Variants in SKI observed in about 807,000 individuals in gnomAD.
The protein encoded by SKI is ski oncogene.
SKI carries 23 observed loss-of-function variants against 59.3 expected under a neutral mutation model. That is an observed-to-expected ratio of 0.39 (90% CI 0.28 to 0.55). The LOEUF is 0.55. Among genes scored for constraint, SKI ranks in the 20% least tolerant of loss-of-function variants. SKI has a pLI of 0.67. For synonymous variants in SKI, 673 were observed against 488.6 expected, an observed-to-expected ratio of 1.38 and a Z score of -4.98; for missense variants, 1,017 against 1,038.9, an observed-to-expected ratio of 0.98 and a Z score of 0.29.
At chr1:2,291,140 C>G (rs1241904091) in intron 1 of SKI, among the ~76,000 whole-genome samples, 1 of 152,092 alleles carries the variant, frequency 6.6e-6, no homozygotes, top group Admixed American at 6.5e-5. Context: ...GCTGGGGATG[C>G]TCATGCCAGC....
At chr1:2,237,713 C>T (rs551651640) in intron 1 of SKI, among the ~76,000 whole-genome samples, 5 of 152,356 alleles carry the variant, frequency 3.3e-5, no homozygotes, top group South Asian at 2.1e-4. Context: ...CAGAAATGCT[C>T]TTGGTTTCTT....
intron 1 of SKI, chr1:2,232,373 C>T (rs940813946): frequency 1.3e-5 from 2 of 152,208 alleles, no homozygotes; most frequent in Non-Finnish European, 2.9e-5. Flanking sequence ...GGGTCAGCGC[C>T]ACTCTCCTAC....
chr1:2,259,893 C>T (rs190121334), intron 1 of SKI, among the ~76,000 whole-genome samples: 9 of 152,316 alleles, frequency 5.9e-5, no homozygotes, highest in South Asian at 4.1e-4. Context: ...GCGTGGATGT[C>T]GCGTTTGTTC....
In SKI at chr1:2,228,934, C is replaced by G; in HGVS notation, c.168C>G (p.Gly56=). 7.2e-7 allele frequency: 1 copy of G among 1,381,898 alleles called. No individual in the cohort carries two copies. The highest frequency in any genetic ancestry group is 9.4e-7 in the Non-Finnish European group (1 of 1,063,868). The allele number at this position is 1,381,898 out of a possible 1,614,324, so 85.6% of individuals were successfully genotyped here. The change falls in exon 1 of 7, where the codon GGC becomes GGG. Residue 56 remains glycine, a synonymous_variant. Coordinates refer to ENST00000378536, the MANE Select transcript of SKI (RefSeq NM_003036.4). ...AYKKESAKEA[G]AAAVPAPVPA... ...AGAAGGAGAGCGCCAAGGAGGCGGG[C>G]GCGGCCGCGGTGCCGGCGCCGGTGC...
chr1:2,309,593 G>C lies in SKI; in HGVS notation c.*2828G>C, dbSNP rs933422445. 2 of 152,088 alleles carry C rather than the reference G, an allele frequency of 1.3e-5. No homozygotes were observed. The highest frequency in any genetic ancestry group is 2.1e-4 in the South Asian group (1 of 4,826). The allele number at this position is 152,088 out of a possible 1,614,324, so 9.4% of individuals were successfully genotyped here. A position where few individuals can be genotyped will look rare whatever the true frequency, so the allele number is the denominator to read the frequency against. On this transcript the variant is annotated 3_prime_UTR_variant, in exon 7 of 7. Coordinates refer to ENST00000378536, the MANE Select transcript of SKI (RefSeq NM_003036.4). Reference sequence around the variant, plus strand: ...GAAAAAAAAAATGCTTTCCTGCCGGGGGGCAGGGGAGACGGAGAAACCCAT... The same window carrying C: ...GAAAAAAAAAATGCTTTCCTGCCGGCGGGCAGGGGAGACGGAGAAACCCAT...
rs754988590 is a variant in SKI at position 2,303,827 on chromosome 1, C to G, written c.1212-13C>G. 4.3e-5 allele frequency: 69 copies of G among 1,612,028 alleles called. No individual in the cohort carries two copies. Among genetic ancestry groups the G allele is most frequent in the Non-Finnish European group, 5.8e-5 (69 of 1,179,696 alleles). On this transcript the variant is annotated splice_polypyrimidine_tract_variant and intron_variant, in intron 3 of 6. Transcript: ENST00000378536. The surrounding 1 kb of genome is among the most constrained non-coding windows in gnomAD (Gnocchi z 5.6). ...GACAGAGGCACCTTCCCGACACCCGCCTGCCCCTCCAGCTTCTACTCCTAC... is the reference window on the plus strand; with the variant it reads ...GACAGAGGCACCTTCCCGACACCCGGCTGCCCCTCCAGCTTCTACTCCTAC...
intron 1 of SKI, among the ~76,000 whole-genome samples, chr1:2,302,503 G>A (rs1178083045): frequency 6.6e-6 from 1 of 152,164 alleles, no homozygotes; most frequent in Non-Finnish European, 1.5e-5. Flanking sequence ...AGACGCATCC[G>A]TCGTGAGTGG....
chr1:2,241,645 G>A (rs1264008480), intron 1 of SKI, among the ~76,000 whole-genome samples: 3 of 152,040 alleles, frequency 2.0e-5, no homozygotes, highest in Non-Finnish European at 2.9e-5. Context: ...CGCCCGCCTC[G>A]GCCTCCCAAA....
At chr1:2,248,917 G>T (rs1014207215) in intron 1 of SKI, among the ~76,000 whole-genome samples, 1 of 152,206 alleles carries the variant, frequency 6.6e-6, no homozygotes, top group Non-Finnish European at 1.5e-5. Flanking sequence ...CCCCTCTCCT[G>T]TTTGGAAGAG....
chr1:2,242,528 C>G (rs764950674), intron 1 of SKI, among the ~76,000 whole-genome samples: 8 of 152,014 alleles, frequency 5.3e-5, no homozygotes, highest in Non-Finnish European at 1.0e-4. Flanking sequence ...TTTTCTTTTT[C>G]TTATTTTTGG....
intron 1 of SKI, among the ~76,000 whole-genome samples, chr1:2,299,364 G>A (rs1406504368): frequency 6.6e-6 from 1 of 152,174 alleles, no homozygotes; most frequent in Non-Finnish European, 1.5e-5. Context: ...CCCAGCTGAC[G>A]ACCCGGGCTC....
chr1:2,248,736 C>G (rs182741071), intron 1 of SKI, among the ~76,000 whole-genome samples: 1 of 152,228 alleles, frequency 6.6e-6, no homozygotes, highest in Non-Finnish European at 1.5e-5. Context: ...TTCCTTCTCA[C>G]GTCTTCTCTG....
chr1:2,255,025 C>T (rs942257076), intron 1 of SKI, among the ~76,000 whole-genome samples: 1 of 152,286 alleles, frequency 6.6e-6, no homozygotes, highest in South Asian at 2.1e-4. Context: ...CCACACCCCA[C>T]GTGCTTGTTA....
At chr1:2,257,148 C>A (rs1056137915) in intron 1 of SKI, among the ~76,000 whole-genome samples, 4 of 152,242 alleles carry the variant, frequency 2.6e-5, no homozygotes, top group African/African-American at 9.6e-5. Flanking sequence ...AAAGCTCCCA[C>A]CTTTTGTGAC....
At position 2,303,014 on chromosome 1, in the gene SKI, A is replaced by G. The variant is rs1347876005; in HGVS notation, c.1006A>G (p.Thr336Ala). The change falls in exon 2 of 7, where the codon ACA (threonine) becomes GCA (alanine). Residue 336 changes from threonine (T) to alanine (A), a missense_variant. Thr to Ala is a moderately conservative substitution (Grantham distance 58). Transcript: ENST00000378536. This position sits in a 1 kb window ranked among gnomAD's most constrained non-coding sequence, Gnocchi z 5.6. ...SEPPASIRPK[T>A]DDTSSQSPAP... is the part of the protein sequence containing the mutation. ...GCCTCCGGCCTCCATAAGACCCAAA[A>G]CAGATGACACCTCTTCCCAGTCCCC... 8.7e-6 allele frequency: 14 copies of G among 1,613,492 alleles called. No individual in the cohort carries two copies. The highest frequency in any genetic ancestry group is 5.3e-5 in the African/African-American group (4 of 74,898).
Position 2,228,948 on chromosome 1 carries a change from C to G in SKI, c.182C>G (p.Pro61Arg). 7.2e-7 allele frequency: 1 copy of G among 1,396,328 alleles called. No individual in the cohort carries two copies. The highest frequency in any genetic ancestry group is 3.2e-5 in the East Asian group (1 of 30,976). 86.5% of individuals were successfully genotyped at this position (1,396,328 alleles called of 1,614,324 possible). A position where few individuals can be genotyped will look rare whatever the true frequency, so the allele number is the denominator to read the frequency against. ...SAKEAGAAAV[P>R]APVPAATEPP... ...AAGGAGGCGGGCGCGGCCGCGGTGC[C>G]GGCGCCGGTGCCCGCAGCCACCGAG... Residue 61 changes from proline (P) to arginine (R), a missense_variant, in exon 1 of 7, where the codon CCG becomes CGG. Physicochemically the swap from Pro to Arg is moderately radical, Grantham distance 103. Transcript: ENST00000378536.
At chr1:2,251,447 T>C (rs1639145709) in intron 1 of SKI, among the ~76,000 whole-genome samples, 1 of 152,178 alleles carries the variant, frequency 6.6e-6, no homozygotes, top group Non-Finnish European at 1.5e-5. Flanking sequence ...GCTGAGGTCT[T>C]ATTTCAGAGC....
At chr1:2,233,091 T>C (rs1307925015) in intron 1 of SKI, among the ~76,000 whole-genome samples, 1 of 152,172 alleles carries the variant, frequency 6.6e-6, no homozygotes, top group South Asian at 2.1e-4. Context: ...CGCGGCCCCT[T>C]GTCCCGCAGA....
chr1:2,236,108 G>C (rs572346165), intron 1 of SKI, among the ~76,000 whole-genome samples: 5 of 152,326 alleles, frequency 3.3e-5, no homozygotes, highest in Admixed American at 1.3e-4. Flanking sequence ...ATGCTGAATC[G>C]GGGCGTTTAG....
Sources: gnomAD v4.1 joint callset for allele counts (sites outside exome capture counted in the v4.1 genomes callset) on GRCh38, gnomAD v4.1.1 for gene constraint, Gnocchi (gnomAD v3.1) non-coding constraint, MANE v1.5 for transcripts, NCBI Gene and HGNC (gene_info 2026-07-23, HGNC 2026-07-21) for gene names.